NSMCE2: variants seen among roughly 807,000 people sequenced by gnomAD.
The protein encoded by NSMCE2 is NSE2 SUMO ligase component of SMC5/6 complex, also known as E3 SUMO-protein ligase NSE2.
Under a neutral mutation model 23.8 loss-of-function variants are expected in NSMCE2, and 24 were observed. The ratio of observed to expected loss-of-function variants is 1.01; its 90% CI spans 0.73 to 1.42. The LOEUF (loss-of-function observed/expected upper bound fraction) is 1.42, where lower values mean the gene tolerates loss of function less well. NSMCE2 is among the 40% of genes most tolerant of loss of function. The pLI is 0.00. For synonymous variants in NSMCE2, 92 were observed against 94.1 expected (o/e 0.98, Z 0.13); for missense variants, 284 against 296.5 (o/e 0.96, Z 0.31).
At chr8:125,341,556 A>C (rs1830245191) in intron 5 of NSMCE2, among the ~76,000 whole-genome samples, 1 of 151,992 alleles carries the variant, frequency 6.6e-6, no homozygotes, top group Non-Finnish European at 1.5e-5. Context: ...GGTTTTTGTT[A>C]CTGCGTTGAT....
intron 5 of NSMCE2, among the ~76,000 whole-genome samples, chr8:125,222,046 A>G (rs1239982883): frequency 2.0e-5 from 3 of 152,172 alleles, no homozygotes; most frequent in Non-Finnish European, 4.4e-5. Flanking sequence ...ATTTATATGT[A>G]TACTCATTTG....
At chr8:125,201,693 T>G (rs1406234833) in intron 5 of NSMCE2, among the ~76,000 whole-genome samples, 8 of 152,198 alleles carry the variant, frequency 5.3e-5, no homozygotes, top group Admixed American at 5.2e-4. Flanking sequence ...CAGAGCTCAG[T>G]CGTTGTGCTG....
intron 5 of NSMCE2, among the ~76,000 whole-genome samples, chr8:125,314,849 A>G (rs1434235792): frequency 6.6e-6 from 1 of 152,204 alleles, no homozygotes; most frequent in African/African-American, 2.4e-5. Flanking sequence ...ATGAAGCCCT[A>G]TGGGGAGATG....
At chr8:125,111,373 T>C (rs779174671) in intron 3 of NSMCE2, among the ~76,000 whole-genome samples, 11 of 152,220 alleles carry the variant, frequency 7.2e-5, no homozygotes, top group Non-Finnish European at 1.5e-4. Context: ...GAATAAGACA[T>C]TCTTAAATCT....
intron 5 of NSMCE2, among the ~76,000 whole-genome samples, chr8:125,251,592 C>G (rs926712511): frequency 6.6e-6 from 1 of 152,084 alleles, no homozygotes; most frequent in Admixed American, 6.6e-5. Flanking sequence ...TTGACTTTTC[C>G]AAGTTTCCAG....
chr8:125,275,614 C>G (rs891896309), intron 5 of NSMCE2, among the ~76,000 whole-genome samples: 3 of 152,172 alleles, frequency 2.0e-5, no homozygotes, highest in African/African-American at 7.2e-5. Context: ...AATTTTGATT[C>G]CTTTTCTCTA....
chr8:125,244,344 AGAG>A (rs985907376), intron 5 of NSMCE2, among the ~76,000 whole-genome samples: 17 of 152,186 alleles, frequency 1.1e-4, no homozygotes, highest in African/African-American at 3.9e-4. Context: ...TTCATTAAAG[AGAG>A]GAGGGGAAAA....
intron 3 of NSMCE2, among the ~76,000 whole-genome samples, chr8:125,105,975 AC>A (rs1818437968): frequency 6.6e-6 from 1 of 152,170 alleles, no homozygotes; most frequent in Non-Finnish European, 1.5e-5. Flanking sequence ...ACTTAGACAG[AC>A]ACAGAGTCAC....
intron 5 of NSMCE2, among the ~76,000 whole-genome samples, chr8:125,317,299 G>A (rs978864452): frequency 1.3e-5 from 2 of 151,816 alleles, no homozygotes; most frequent in African/African-American, 4.8e-5. Context: ...CTGGGCTTAA[G>A]TGATCTTCTC....
chr8:125,346,589 A>G (rs1055090745), intron 5 of NSMCE2, among the ~76,000 whole-genome samples: 1 of 152,208 alleles, frequency 6.6e-6, no homozygotes, highest in Non-Finnish European at 1.5e-5. Context: ...TTACCCAGAT[A>G]AAAGAAATAG....
chr8:125,201,034 C>T (rs1823847566), intron 5 of NSMCE2, among the ~76,000 whole-genome samples: 1 of 152,098 alleles, frequency 6.6e-6, no homozygotes, highest in Non-Finnish European at 1.5e-5. Context: ...CATTTAAGGT[C>T]TTCTCTATAC....
intron 5 of NSMCE2, among the ~76,000 whole-genome samples, chr8:125,331,005 T>G (rs1451440949): frequency 1.3e-5 from 2 of 152,130 alleles, no homozygotes; most frequent in Non-Finnish European, 2.9e-5. Flanking sequence ...GTGTCATATA[T>G]TAAGAAAGAA....
At chr8:125,300,747 G>A (rs1828528326) in intron 5 of NSMCE2, among the ~76,000 whole-genome samples, 1 of 152,170 alleles carries the variant, frequency 6.6e-6, no homozygotes, top group Non-Finnish European at 1.5e-5. Context: ...GAGTAGAAAG[G>A]AAGGTGGCCT....
chr8:125,278,483 TGCTTTCGTGAG>T (rs1276527393), intron 5 of NSMCE2, among the ~76,000 whole-genome samples: 5 of 152,230 alleles, frequency 3.3e-5, no homozygotes, highest in African/African-American at 1.2e-4. Flanking sequence ...GCAGAGCGTG[TGCTTTCGTGAG>T]GCATGAGGGA....
chr8:125,110,031 T>A (rs1161162782), intron 3 of NSMCE2, among the ~76,000 whole-genome samples: 1 of 152,190 alleles, frequency 6.6e-6, no homozygotes, highest in Non-Finnish European at 1.5e-5. Context: ...TATTTTTAAA[T>A]CATCTTTAAG....
At chr8:125,314,913 G>C (rs1337126767) in intron 5 of NSMCE2, among the ~76,000 whole-genome samples, 1 of 152,182 alleles carries the variant, frequency 6.6e-6, no homozygotes, top group Non-Finnish European at 1.5e-5. Flanking sequence ...GCGAGATGTT[G>C]GGTGGAATGG....
At chr8:125,273,603 A>G (rs1827320356) in intron 5 of NSMCE2, among the ~76,000 whole-genome samples, 1 of 152,210 alleles carries the variant, frequency 6.6e-6, no homozygotes, top group African/African-American at 2.4e-5. Flanking sequence ...TCCAACTTAC[A>G]GTTTATGGAC....
chr8:125,360,298 C>T (rs1813475790), intron 7 of NSMCE2, among the ~76,000 whole-genome samples: 1 of 152,072 alleles, frequency 6.6e-6, no homozygotes, highest in Non-Finnish European at 1.5e-5. Flanking sequence ...TCAGAACTAT[C>T]GATGTGGATT....
At chr8:125,319,026 A>G (rs1586761671) in intron 5 of NSMCE2, among the ~76,000 whole-genome samples, 1 of 152,154 alleles carries the variant, frequency 6.6e-6, no homozygotes, top group Admixed American at 6.5e-5. Context: ...AGAGCTATCT[A>G]ATGGATTAGA....
Sources: allele counts gnomAD v4.1 joint callset (sites outside exome capture counted in the v4.1 genomes callset), GRCh38; gene constraint gnomAD v4.1.1; transcripts MANE v1.5; gene names NCBI Gene and HGNC (gene_info 2026-07-23, HGNC 2026-07-21).